The following CBFB variants were observed in gnomAD, a reference collection of about 807,000 sequenced individuals.
CBFB encodes the protein CBF-beta.
A neutral mutation model predicts 30.4 loss-of-function variants in CBFB; 9 were observed. That is an observed-to-expected ratio of 0.30 (90% CI 0.18 to 0.52). The LOEUF (loss-of-function observed/expected upper bound fraction) is 0.52, where lower values mean the gene tolerates loss of function less well. CBFB is among the 20% of genes least tolerant of loss of function. The pLI is 0.97. For synonymous variants in CBFB, 94 were observed against 84.0 expected, an observed-to-expected ratio of 1.12 and a Z score of -0.65; for missense variants, 170 against 244.0, an observed-to-expected ratio of 0.70 and a Z score of 2.02.
intron 2 of CBFB, among the ~76,000 whole-genome samples, chr16:67,035,200 C>T (rs1418224055): frequency 6.6e-6 from 1 of 152,160 alleles, no homozygotes; most frequent in Non-Finnish European, 1.5e-5. Flanking sequence ...TCTCCTGCCT[C>T]ATCCTCCCAA....
At chr16:67,053,328 A>G (rs2145733956) in intron 3 of CBFB, among the ~76,000 whole-genome samples, 1 of 138,574 alleles carries the variant, frequency 7.2e-6, no homozygotes, top group East Asian at 2.1e-4. Context: ...ATCTCGGCTC[A>G]CTGCAAGCTC....
intron 3 of CBFB, 134 bp downstream of exon 3, chr16:67,036,889 A>G (rs1272064179): frequency 1.6e-6 from 1 of 625,770 alleles, no homozygotes; most frequent in South Asian, 2.1e-5. Flanking sequence ...ATTCCATGTT[A>G]TAAGGATGTA....
At chr16:67,054,954 G>A (rs1240985067) in intron 3 of CBFB, among the ~76,000 whole-genome samples, 1 of 149,216 alleles carries the variant, frequency 6.7e-6, no homozygotes, top group Non-Finnish European at 1.5e-5. Flanking sequence ...TTTTAGTAGA[G>A]ACAGGGTTTC....
chr16:67,082,820 C>T (rs948919169), intron 5 of CBFB, among the ~76,000 whole-genome samples: 1 of 152,054 alleles, frequency 6.6e-6, no homozygotes, highest in Non-Finnish European at 1.5e-5. Context: ...TTTAACCTTT[C>T]TATTGTAAAA....
intron 3 of CBFB, among the ~76,000 whole-genome samples, chr16:67,040,586 T>G (rs1023376416): frequency 2.6e-5 from 4 of 152,214 alleles, no homozygotes; most frequent in African/African-American, 9.6e-5. Flanking sequence ...ATCAAAAAAT[T>G]TATTCATTCA....
At chr16:67,034,998 C>G (rs1379293525) in intron 2 of CBFB, among the ~76,000 whole-genome samples, 1 of 151,996 alleles carries the variant, frequency 6.6e-6, no homozygotes, top group Non-Finnish European at 1.5e-5. Flanking sequence ...TGGGCAGTTT[C>G]CCTCCCAGAA....
intron 5 of CBFB, among the ~76,000 whole-genome samples, chr16:67,083,357 G>A (rs1014251296): frequency 6.6e-6 from 1 of 150,914 alleles, no homozygotes; most frequent in African/African-American, 2.4e-5. Context: ...GTACAGTAGC[G>A]TGATCTCGGC....
rs576677161 is a variant in CBFB, at chr16:67,100,123, A to G, written c.*1345A>G. 12 of 212,452 alleles carry G rather than the reference A, an allele frequency of 5.6e-5. No homozygotes were observed. In the East Asian group the frequency reaches 8.6e-4, roughly 15 times the overall value. 13.2% of individuals were successfully genotyped at this position (212,452 alleles called of 1,614,324 possible). On this transcript the variant is annotated 3_prime_UTR_variant, in exon 6 of 6. Coordinates refer to ENST00000412916, the MANE Select transcript of CBFB (RefSeq NM_022845.3). ...CTAAGTCATTTGGCACCTCCTTACA[A>G]ATATTTTTCATGGTCACATTTATTA...
chr16:67,036,610 G>A (rs753166130), intron 2 of CBFB, 29 bp from the exon 3 acceptor site: 4 of 1,234,294 alleles, frequency 3.2e-6, no homozygotes, highest in Non-Finnish European at 2.4e-6. Context: ...TCCTGCTCCT[G>A]ATCCTGTTTG....
rs534863524 is a variant in CBFB, at chr16:67,098,211, C to T, written c.496-499C>T. Among the ~76,000 whole-genome samples, 180 of 152,278 alleles carry T rather than the reference C, an allele frequency of 1.2e-3. 1 individual carries two copies. Among genetic ancestry groups the T allele is most frequent in the Non-Finnish European group, 2.0e-3 (135 of 68,032 alleles). ...GGTGCAGTGGTGCGATCTCAGCTCA[C>T]GGCAACCTCCACCTCCCAGGTTCAA... On this transcript the variant is annotated intron_variant, in intron 5 of 5. Coordinates refer to ENST00000412916, the MANE Select transcript of CBFB (RefSeq NM_022845.3).
chr16:67,035,722 TTAG>T (rs1966431447), intron 2 of CBFB, among the ~76,000 whole-genome samples: 1 of 152,212 alleles, frequency 6.6e-6, no homozygotes, highest in South Asian at 2.1e-4. Flanking sequence ...CAGAACTTAA[TTAG>T]TAGAATAAAC....
intron 3 of CBFB, among the ~76,000 whole-genome samples, chr16:67,048,284 T>C (rs1269370137): frequency 6.6e-6 from 1 of 152,010 alleles, no homozygotes; most frequent in Non-Finnish European, 1.5e-5. Context: ...ACATTTTTTA[T>C]TTTCCTTAAA....
At chr16:67,093,369 T>G (rs1179965445) in intron 5 of CBFB, 5 of 73,004 alleles carry the variant, frequency 6.8e-5, no homozygotes, top group African/African-American at 1.1e-4. Context: ...TTTCAGCAGG[T>G]TTTTTTTTTT....
In CBFB at chr16:67,089,188, C is replaced by T. The variant is rs565067201; in HGVS notation, c.495+6880C>T. Reference sequence around the variant, plus strand: ...GAAGAAGCATTGTTTATGTTAGTAACCTTTACCAAATACTCTTGTCATTGA... The same window carrying T: ...GAAGAAGCATTGTTTATGTTAGTAATCTTTACCAAATACTCTTGTCATTGA... On this transcript the variant is annotated intron_variant, in intron 5 of 5. Transcript: ENST00000412916. 8.2e-4 allele frequency among the ~76,000 whole-genome samples: 125 copies of T among 152,182 alleles called. 1 individual carries two copies. Among genetic ancestry groups the T allele is most frequent in the Admixed American group, 3.3e-4 (5 of 15,276 alleles).
intron 3 of CBFB, among the ~76,000 whole-genome samples, chr16:67,054,371 A>C (rs1354188050): frequency 6.6e-6 from 1 of 151,812 alleles, no homozygotes; most frequent in Non-Finnish European, 1.5e-5. Flanking sequence ...GTGTTTCCTG[A>C]TCTGTTTGTG....
At chr16:67,043,613 TAGAA>T (rs527800737) in intron 3 of CBFB, among the ~76,000 whole-genome samples, 9 of 152,334 alleles carry the variant, frequency 5.9e-5, no homozygotes, top group East Asian at 1.9e-4. Context: ...AACAGTATAA[TAGAA>T]AGAGCTCTAG....
intron 5 of CBFB, among the ~76,000 whole-genome samples, chr16:67,082,819 T>C (rs1039512365): frequency 1.3e-5 from 2 of 152,186 alleles, no homozygotes; most frequent in African/African-American, 4.8e-5. Context: ...TTTTAACCTT[T>C]CTATTGTAAA....
intron 3 of CBFB, among the ~76,000 whole-genome samples, chr16:67,045,507 A>G (rs1597129190): frequency 6.6e-6 from 1 of 151,358 alleles, no homozygotes; most frequent in Admixed American, 6.6e-5. Context: ...ACAGAGCAAG[A>G]CTCTGTCTGA....
At chr16:67,071,283 A>G (rs1027421629) in intron 4 of CBFB, among the ~76,000 whole-genome samples, 1 of 152,080 alleles carries the variant, frequency 6.6e-6, no homozygotes, top group African/African-American at 2.4e-5. Flanking sequence ...CCCCAAATTG[A>G]TATGTTGAAG....
Sources: allele counts gnomAD v4.1 joint callset (sites outside exome capture counted in the v4.1 genomes callset), GRCh38; gene constraint gnomAD v4.1.1; transcripts MANE v1.5; gene names NCBI Gene and HGNC (gene_info 2026-07-23, HGNC 2026-07-21).